The following PKIB variants were observed in gnomAD, a reference collection of about 807,000 sequenced individuals.
The protein encoded by PKIB is PKI-beta.
A neutral mutation model predicts 4.5 loss-of-function variants in PKIB; 2 were observed. The ratio of observed to expected loss-of-function variants is 0.44; its 90% confidence interval spans 0.18 to 1.39. PKIB has a LOEUF of 1.39. Ranked by LOEUF, PKIB falls within the 40% of genes most tolerant of loss-of-function variation. The pLI is 0.27. For missense variants in PKIB, 94 were observed against 92.6 expected (o/e 1.02, Z -0.06); for synonymous variants, 38 against 36.0 (o/e 1.06, Z -0.20).
intron 1 of PKIB, among the ~76,000 whole-genome samples, chr6:122,622,632 GATCAGTC>G (rs1265780970): frequency 6.6e-6 from 1 of 152,142 alleles, no homozygotes; most frequent in Non-Finnish European, 1.5e-5. Flanking sequence ...AGTCCCCATG[GATCAGTC>G]ATAAGGGGTT....
At chr6:122,501,290 G>A (rs1776227604) in intron 2 of PKIB, among the ~76,000 whole-genome samples, 1 of 152,192 alleles carries the variant, frequency 6.6e-6, no homozygotes, top group African/African-American at 2.4e-5. Context: ...ATACAGTGGG[G>A]CTACAGGCAT....
intron 2 of PKIB, among the ~76,000 whole-genome samples, chr6:122,499,257 A>G (rs1259520220): frequency 3.9e-5 from 6 of 152,172 alleles, no homozygotes; most frequent in African/African-American, 1.4e-4. Flanking sequence ...CAAAGAAACA[A>G]CCAAAAACAA....
intron 2 of PKIB, among the ~76,000 whole-genome samples, chr6:122,497,398 T>C (rs960349746): frequency 2.6e-5 from 4 of 152,132 alleles, no homozygotes; most frequent in Non-Finnish European, 5.9e-5. Flanking sequence ...ATGTAAATGG[T>C]ATTCACACCC....
intron 2 of PKIB, among the ~76,000 whole-genome samples, chr6:122,521,074 G>T (rs1053964560): frequency 6.6e-6 from 1 of 152,158 alleles, no homozygotes; most frequent in African/African-American, 2.4e-5. Context: ...GAAGAATTGG[G>T]CCCTATCTGT....
intron 1 of PKIB, among the ~76,000 whole-genome samples, chr6:122,633,002 A>G (rs1270694905): frequency 1.3e-5 from 2 of 152,228 alleles, no homozygotes; most frequent in Non-Finnish European, 2.9e-5. Context: ...ATGTGTTTGA[A>G]TGGTGAACAA....
chr6:122,594,149 G>A (rs568466512), intron 3 of PKIB, among the ~76,000 whole-genome samples: 2 of 152,064 alleles, frequency 1.3e-5, no homozygotes, highest in Admixed American at 1.3e-4. Flanking sequence ...ATACTTAAAT[G>A]CTGATGTGAA....
intron 2 of PKIB, among the ~76,000 whole-genome samples, chr6:122,634,715 C>T (rs974132818): frequency 5.4e-4 from 82 of 152,296 alleles, no homozygotes; most frequent in African/African-American, 1.9e-3. Flanking sequence ...ATTCCCATGG[C>T]TCATCAGAGC....
In PKIB at chr6:122,725,280, G is replaced by A. The variant is rs183479745; in HGVS notation, c.*85G>A. 8.5e-3 allele frequency: 9,056 copies of A among 1,064,628 alleles called. 78 individuals are homozygous for A. The highest frequency in any genetic ancestry group is 0.012 in the South Asian group (824 of 70,056). 65.9% of individuals were successfully genotyped at this position (1,064,628 alleles called of 1,614,324 possible). On this transcript the variant is annotated 3_prime_UTR_variant, in exon 5 of 5. Transcript: ENST00000368452. The stretch of plus-strand genomic sequence containing the variant: ...TTTTCTTGAGACATTTAATCTGGTG[G>A]TAACTGTGGTAACATTGCAGCCCTA...
chr6:122,566,604 GAAAT>G, intron 2 of PKIB, among the ~76,000 whole-genome samples: 1 of 151,438 alleles, frequency 6.6e-6, no homozygotes, highest in Middle Eastern at 3.4e-3. Flanking sequence ...TTACCATTTT[GAAAT>G]AATTCCTCCC....
intron 2 of PKIB, among the ~76,000 whole-genome samples, chr6:122,525,995 A>G (rs1346221097): frequency 1.3e-5 from 2 of 152,106 alleles, no homozygotes; most frequent in Admixed American, 6.6e-5. Context: ...GTAATTTTCT[A>G]AGTTCTTTGT....
rs995048074 is a variant in PKIB at position 122,600,992 on chromosome 6, C to A, written c.-161+14985C>A. Among the ~76,000 whole-genome samples, 11 of 150,986 alleles carry A rather than the reference C, an allele frequency of 7.3e-5. No individual in the cohort carries two copies. The South Asian group carries it at 1.3e-3, about 17-fold the overall frequency. ...GAGATACGGAAGATATGGAAAAAAA[C>A]CAGATCATCAAATTTCTTTAGATAA... On this transcript the variant is annotated intron_variant, in intron 3 of 6. Transcript: ENST00000392491.
chr6:122,687,294 T>C (rs1778132642), intron 3 of PKIB, among the ~76,000 whole-genome samples: 1 of 152,214 alleles, frequency 6.6e-6, no homozygotes, highest in Non-Finnish European at 1.5e-5. Flanking sequence ...TAGATTTGTT[T>C]CTGGGTACTT....
chr6:122,649,928 T>A (rs968325843), intron 2 of PKIB, among the ~76,000 whole-genome samples: 1 of 152,214 alleles, frequency 6.6e-6, no homozygotes, highest in Admixed American at 6.5e-5. Flanking sequence ...CCGGATCTGA[T>A]GAATCATATG....
chr6:122,620,986 G>T (rs538847909), intron 1 of PKIB, among the ~76,000 whole-genome samples: 2 of 151,742 alleles, frequency 1.3e-5, no homozygotes, highest in African/African-American at 2.4e-5. Context: ...TGACCATGTC[G>T]TTCCCTTGAG....
chr6:122,718,005 T>C, intron 4 of PKIB, 42 bp downstream of exon 4: 2 of 1,574,552 alleles, frequency 1.3e-6, no homozygotes, highest in Non-Finnish European at 1.7e-6. Context: ...CACTTGTCCC[T>C]TCTTAACCAA....
chr6:122,543,262 G>A (rs1278662747), intron 2 of PKIB, among the ~76,000 whole-genome samples: 2 of 152,022 alleles, frequency 1.3e-5, no homozygotes, highest in Non-Finnish European at 2.9e-5. Context: ...TACCTCAGAT[G>A]GAAATGCAGA....
At chr6:122,692,294 C>T (rs1206155690) in intron 3 of PKIB, among the ~76,000 whole-genome samples, 1 of 152,024 alleles carries the variant, frequency 6.6e-6, no homozygotes, top group Admixed American at 6.5e-5. Context: ...AATTCCCTGG[C>T]ACATTGAGTG....
intron 2 of PKIB, among the ~76,000 whole-genome samples, chr6:122,537,930 G>A (rs1472420096): frequency 6.6e-6 from 1 of 151,978 alleles, no homozygotes; most frequent in Non-Finnish European, 1.5e-5. Context: ...GATGGCCAGT[G>A]ATGATGAGCA....
At chr6:122,576,987 T>C (rs1773562450) in intron 2 of PKIB, among the ~76,000 whole-genome samples, 1 of 152,050 alleles carries the variant, frequency 6.6e-6, no homozygotes, top group Non-Finnish European at 1.5e-5. Flanking sequence ...TTCATACATT[T>C]CTTCATATAT....
Sources: gnomAD v4.1 joint callset for allele counts (sites outside exome capture counted in the v4.1 genomes callset) on GRCh38, gnomAD v4.1.1 for gene constraint, MANE v1.5 for transcripts, NCBI Gene and HGNC (gene_info 2026-07-23, HGNC 2026-07-21) for gene names.